The following LRMDA variants were observed in gnomAD, a reference collection of about 807,000 sequenced individuals.
LRMDA encodes leucine-rich melanocyte differentiation-associated protein.
A neutral mutation model predicts 29.8 loss-of-function variants in LRMDA; 18 were observed. The ratio of observed to expected loss-of-function variants is 0.60; its 90% CI spans 0.42 to 0.90. LRMDA has a LOEUF of 0.90. LRMDA is among the 40% of genes least tolerant of loss of function. LRMDA has a pLI of 0.00. For synonymous variants in LRMDA, 125 were observed against 109.4 expected (o/e 1.14, Z -0.89); for missense variants, 273 against 273.9 (o/e 1.00, Z 0.02).
intron 5 of LRMDA, among the ~76,000 whole-genome samples, chr10:76,150,753 G>A (rs1251115098): frequency 6.6e-6 from 1 of 152,174 alleles, no homozygotes; most frequent in Admixed American, 6.5e-5. Flanking sequence ...CGGTGGCAAG[G>A]ATAGCGAACA....
At chr10:76,009,836 C>A (rs977065978) in intron 2 of LRMDA, among the ~76,000 whole-genome samples, 7 of 151,974 alleles carry the variant, frequency 4.6e-5, no homozygotes, top group African/African-American at 1.7e-4. Context: ...CGAGCAACCC[C>A]CCTCACTGCC....
chr10:76,552,075 C>T (rs1295428874), intron 6 of LRMDA, among the ~76,000 whole-genome samples: 1 of 152,052 alleles, frequency 6.6e-6, no homozygotes, highest in Non-Finnish European at 1.5e-5. Context: ...AATAATGATC[C>T]CTAAAGTGAT....
intron 2 of LRMDA, among the ~76,000 whole-genome samples, chr10:75,808,975 C>T (rs897610696): frequency 1.3e-5 from 2 of 152,214 alleles, no homozygotes; most frequent in African/African-American, 4.8e-5. Flanking sequence ...TCTCACCTGC[C>T]ATTAGTTCCC....
intron 5 of LRMDA, among the ~76,000 whole-genome samples, chr10:76,236,887 G>A (rs1589388049): frequency 6.6e-6 from 1 of 152,300 alleles, no homozygotes; most frequent in Non-Finnish European, 1.5e-5. Context: ...TGTGCTTACA[G>A]CCAGCAGCAA....
intron 6 of LRMDA, among the ~76,000 whole-genome samples, chr10:76,389,577 C>T (rs1456814537): frequency 6.6e-6 from 1 of 152,162 alleles, no homozygotes; most frequent in African/African-American, 2.4e-5. Flanking sequence ...CATCCATCTC[C>T]AGAATCTTTT....
chr10:76,101,384 A>AGTATGG (rs1849391894), intron 5 of LRMDA, among the ~76,000 whole-genome samples: 1 of 152,184 alleles, frequency 6.6e-6, no homozygotes, highest in African/African-American at 2.4e-5. Context: ...CAAAAGTTCT[A>AGTATGG]GTATGGCAGA....
At chr10:75,833,161 C>G (rs1844375683) in intron 2 of LRMDA, among the ~76,000 whole-genome samples, 3 of 152,168 alleles carry the variant, frequency 2.0e-5, no homozygotes, top group African/African-American at 4.8e-5. Flanking sequence ...CAGAAAATAG[C>G]ACAAACGACA....
At chr10:75,778,539 TAGTC>T (rs1162139652) in intron 2 of LRMDA, among the ~76,000 whole-genome samples, 8 of 152,292 alleles carry the variant, frequency 5.3e-5, no homozygotes, top group African/African-American at 1.9e-4. Context: ...GCTTTCTCTG[TAGTC>T]AATCAATGAG....
At chr10:75,790,738 A>G (rs573828052) in intron 2 of LRMDA, among the ~76,000 whole-genome samples, 1 of 152,184 alleles carries the variant, frequency 6.6e-6, no homozygotes, top group Middle Eastern at 3.2e-3. Flanking sequence ...TCTATTCCCC[A>G]GTGGAGGGCT....
intron 2 of LRMDA, among the ~76,000 whole-genome samples, chr10:76,014,124 A>ATATTT: frequency 7.7e-6 from 1 of 130,506 alleles, no homozygotes; most frequent in African/African-American, 2.9e-5. Flanking sequence ...ATATATATAT[A>ATATTT]ATTATATATA....
intron 5 of LRMDA, among the ~76,000 whole-genome samples, chr10:76,157,533 G>A (rs1053589719): frequency 1.3e-5 from 2 of 151,996 alleles, no homozygotes. Context: ...AAGATTGCTT[G>A]AGCCCAGGAG....
chr10:76,387,228 T>C (rs1907334), intron 6 of LRMDA, among the ~76,000 whole-genome samples: 46,789 of 152,124 alleles, frequency 0.31, 9,253 homozygotes, highest in Non-Finnish European at 0.44. Context: ...AGACTGAAAG[T>C]AATTCTTCAT....
intron 2 of LRMDA, among the ~76,000 whole-genome samples, chr10:75,775,416 C>T (rs999972995): frequency 5.3e-5 from 8 of 152,154 alleles, no homozygotes; most frequent in Non-Finnish European, 8.8e-5. Flanking sequence ...CAACTGTGCC[C>T]GGCTTCCTTT....
At chr10:76,279,505 C>T (rs1012404972) in intron 5 of LRMDA, among the ~76,000 whole-genome samples, 6 of 149,842 alleles carry the variant, frequency 4.0e-5, no homozygotes, top group African/African-American at 1.5e-4. Context: ...GTGGTATAGA[C>T]GGGCTAAGGA....
At chr10:75,817,571 G>A (rs1257640838) in intron 2 of LRMDA, among the ~76,000 whole-genome samples, 7 of 152,208 alleles carry the variant, frequency 4.6e-5, no homozygotes, top group Admixed American at 3.3e-4. Flanking sequence ...CCTGAAGAAA[G>A]AGAAGGCACA....
chr10:75,812,563 G>A (rs1438667127), intron 2 of LRMDA, among the ~76,000 whole-genome samples: 3 of 152,166 alleles, frequency 2.0e-5, no homozygotes, highest in Non-Finnish European at 4.4e-5. Context: ...GTGGTGACAT[G>A]ATATAAACAG....
At chr10:75,619,216 T>C (rs1370630391) in intron 2 of LRMDA, among the ~76,000 whole-genome samples, 4 of 152,086 alleles carry the variant, frequency 2.6e-5, no homozygotes, top group Admixed American at 2.6e-4. Flanking sequence ...GTTTCAGGGG[T>C]GGCAGAGGTG....
At chr10:76,019,179 C>T (rs1306525894) in intron 2 of LRMDA, among the ~76,000 whole-genome samples, 3 of 152,194 alleles carry the variant, frequency 2.0e-5, no homozygotes, top group African/African-American at 7.2e-5. Context: ...AGCACAAATG[C>T]TAATATGGCT....
At chr10:75,466,401 G>A (rs1268462171) in intron 2 of LRMDA, among the ~76,000 whole-genome samples, 1 of 152,066 alleles carries the variant, frequency 6.6e-6, no homozygotes, top group South Asian at 2.1e-4. Context: ...GGGTCTGTGG[G>A]GGAAGCCTCT....
Sources: gnomAD v4.1 joint callset for allele counts (sites outside exome capture counted in the v4.1 genomes callset) on GRCh38, gnomAD v4.1.1 for gene constraint, MANE v1.5 for transcripts, NCBI Gene and HGNC (gene_info 2026-07-23, HGNC 2026-07-21) for gene names.